The following ZSCAN25 variants were observed in gnomAD, a reference collection of about 807,000 sequenced individuals.
The protein encoded by ZSCAN25 is zinc finger and SCAN domain-containing protein 25.
ZSCAN25 carries 27 observed loss-of-function variants against 38.7 expected under a neutral mutation model. The observed-to-expected ratio is 0.70, with a 90% CI of 0.51 to 0.96. ZSCAN25 has a LOEUF of 0.96. ZSCAN25 is among the 40% of genes least tolerant of loss of function. The pLI is 0.00. For missense variants in ZSCAN25, 637 were observed against 705.9 expected, an observed-to-expected ratio of 0.90 and a Z score of 1.11; for synonymous variants, 273 against 277.7, an observed-to-expected ratio of 0.98 and a Z score of 0.17.
downstream of ZSCAN25, among the ~76,000 whole-genome samples, chr7:99,634,594 C>T (rs1473515834): frequency 2.0e-5 from 3 of 152,176 alleles, no homozygotes; most frequent in Non-Finnish European, 4.4e-5. Context: ...TTGAGACCAT[C>T]CTGGTTAACA....
chr7:99,652,434 A>G, the ZSCAN25 span: 2 of 715,556 alleles, frequency 2.8e-6, no homozygotes, highest in East Asian at 2.7e-5. Context: ...TTTTTGTGAT[A>G]AAAAGACTTA....
the ZSCAN25 span, chr7:99,666,631 G>A: frequency 2.5e-6 from 4 of 1,613,822 alleles, no homozygotes; most frequent in Admixed American, 6.7e-5. Context: ...GCCTTTCTCT[G>A]CTTCCCGCCT....
At chr7:99,715,865 G>C in the ZSCAN25 span, 1 of 1,613,888 alleles carries the variant, frequency 6.2e-7, no homozygotes, top group East Asian at 2.2e-5. Flanking sequence ...CACTCCAAAT[G>C]ATGTGCTAGT....
the ZSCAN25 span, chr7:99,648,442 G>A: frequency 7.1e-7 from 1 of 1,408,184 alleles, no homozygotes; most frequent in East Asian, 2.8e-5. Flanking sequence ...AATAAATGAA[G>A]TGAAAGAAGA....
At chr7:99,621,006 A>G (rs28443180) in intron 4 of ZSCAN25, 4,865 of 158,136 alleles carry the variant, frequency 0.031, 240 homozygotes, top group African/African-American at 0.11. Context: ...TGGCCTGTTC[A>G]CTGCAGGGTC....
the ZSCAN25 span, among the ~76,000 whole-genome samples, chr7:99,724,254 T>C: frequency 6.6e-6 from 1 of 152,224 alleles, no homozygotes; most frequent in Non-Finnish European, 1.5e-5. Context: ...AAATGCCTTA[T>C]TTTCTTCTGC....
chr7:99,626,509 T>C (rs1303177253), intron 7 of ZSCAN25, among the ~76,000 whole-genome samples: 35 of 152,048 alleles, frequency 2.3e-4, no homozygotes, highest in Admixed American at 2.3e-3. Context: ...TACTGAAATA[T>C]GCTTCCAAGG....
chr7:99,656,254 C>T, the ZSCAN25 span, among the ~76,000 whole-genome samples: 1 of 152,126 alleles, frequency 6.6e-6, no homozygotes, highest in South Asian at 2.1e-4. Context: ...AGATAGGTTC[C>T]ATCAATACCT....
At chr7:99,695,671 A>G in the ZSCAN25 span, 1 of 1,239,046 alleles carries the variant, frequency 8.1e-7, no homozygotes, top group Non-Finnish European at 1.2e-6. Context: ...TCCTGAGGAG[A>G]AGCAGTTTTA....
the ZSCAN25 span, chr7:99,676,147 G>A: frequency 6.2e-7 from 1 of 1,613,780 alleles, no homozygotes; most frequent in Non-Finnish European, 8.5e-7. Context: ...CCCAACAAAG[G>A]CAGAGGTGTG....
chr7:99,685,087 G>C, the ZSCAN25 span: 5 of 1,288,978 alleles, frequency 3.9e-6, no homozygotes, highest in South Asian at 5.9e-5. Context: ...GAGGTCTCTG[G>C]TGTTCTAGGT....
chr7:99,671,978 A>G, the ZSCAN25 span: 1 of 637,258 alleles, frequency 1.6e-6, no homozygotes. Flanking sequence ...TGTAAACTAT[A>G]TCAAAGTCAA....
At chr7:99,677,349 G>A in the ZSCAN25 span, 2 of 617,210 alleles carry the variant, frequency 3.2e-6, no homozygotes, top group East Asian at 2.8e-4. Context: ...AAATGTGGCT[G>A]AAAAAGATGA....
the ZSCAN25 span, chr7:99,717,176 C>T: frequency 1.9e-6 from 3 of 1,613,730 alleles, no homozygotes; most frequent in African/African-American, 1.3e-5. Flanking sequence ...CTCCTACTTA[C>T]TGTTTCAAGG....
At chr7:99,696,503 A>C in the ZSCAN25 span, among the ~76,000 whole-genome samples, 1 of 152,172 alleles carries the variant, frequency 6.6e-6, no homozygotes, top group African/African-American at 2.4e-5. Context: ...GGCCTCGTAG[A>C]AATGCAAGCA....
chr7:99,734,669 T>G, the ZSCAN25 span, among the ~76,000 whole-genome samples: 45 of 151,438 alleles, frequency 3.0e-4, no homozygotes, highest in Non-Finnish European at 1.3e-4. Context: ...TTACCCAGGC[T>G]GGAGTGCAGT....
the ZSCAN25 span, among the ~76,000 whole-genome samples, chr7:99,688,861 G>T: frequency 6.6e-6 from 1 of 152,056 alleles, no homozygotes; most frequent in East Asian, 1.9e-4. Flanking sequence ...GGATTAAGAA[G>T]CTCACTCAAA....
the ZSCAN25 span, among the ~76,000 whole-genome samples, chr7:99,677,016 A>G: frequency 6.6e-6 from 1 of 152,316 alleles, no homozygotes; most frequent in African/African-American, 2.4e-5. Context: ...TGAGAAGCAC[A>G]GTGCCAGGCA....
chr7:99,622,529 T>C lies in ZSCAN25; in HGVS notation c.590-20T>C, dbSNP rs748248467. On this transcript the variant is annotated intron_variant, in intron 5 of 7. Coordinates refer to ENST00000394152, the MANE Select transcript of ZSCAN25 (RefSeq NM_145115.3). Reference sequence around the variant, plus strand: ...TCACTGATCCTTCTGATCTTTCTCATGCTTTTTGTCCCTGCTCAGCACTAC... The same window carrying C: ...TCACTGATCCTTCTGATCTTTCTCACGCTTTTTGTCCCTGCTCAGCACTAC... 1.2e-6 allele frequency: 2 copies of C among 1,612,744 alleles called. No individual in the cohort carries two copies. The highest frequency in any genetic ancestry group is 1.7e-5 in the Admixed American group (1 of 60,036).
Sources: allele counts gnomAD v4.1 joint callset (sites outside exome capture counted in the v4.1 genomes callset), GRCh38; gene constraint gnomAD v4.1.1; transcripts MANE v1.5; gene names NCBI Gene and HGNC (gene_info 2026-07-23, HGNC 2026-07-21).